CUEDC1: variants seen among roughly 807,000 people sequenced by gnomAD.
The protein encoded by CUEDC1 is CUE domain-containing protein 1.
Under a neutral mutation model 43.7 loss-of-function variants are expected in CUEDC1, and 30 were observed. The observed-to-expected ratio is 0.69, with a 90% CI of 0.51 to 0.93. The LOEUF is 0.93. Ranked by LOEUF, CUEDC1 falls within the 40% of genes least tolerant of loss-of-function variation. CUEDC1 has a pLI of 0.00. For synonymous variants in CUEDC1, 223 were observed against 223.6 expected (o/e 1.00, Z 0.02); for missense variants, 486 against 549.0 (o/e 0.89, Z 1.15).
intron 5 of CUEDC1, 124 bp downstream of exon 5, chr17:57,872,539 T>C: frequency 1.8e-6 from 2 of 1,086,384 alleles, no homozygotes; most frequent in African/African-American, 1.6e-5. Flanking sequence ...GAGTCATGCC[T>C]CAATAGGACA....
intron 1 of CUEDC1, among the ~76,000 whole-genome samples, chr17:57,931,839 C>T (rs1263272339): frequency 1.3e-5 from 2 of 152,156 alleles, no homozygotes; most frequent in Admixed American, 6.5e-5. Context: ...CGTGAAACCA[C>T]GAGCCTCTTT....
rs111403579 is a variant in CUEDC1, at chr17:57,914,597, G to A, written c.-315-28718C>T. On this transcript the variant is annotated intron_variant, in intron 1 of 10. Transcript: ENST00000577830. ...TCCCAACTGGGAGCTCCTGGAGCTCGATTTAGAAAAGGGACAGGGATAATG... is the reference window on the plus strand; with the variant it reads ...TCCCAACTGGGAGCTCCTGGAGCTCAATTTAGAAAAGGGACAGGGATAATG... 2.3e-3 allele frequency among the ~76,000 whole-genome samples: 344 copies of A among 152,296 alleles called. 1 individual carries two copies. Among genetic ancestry groups the A allele is most frequent in the African/African-American group, 7.6e-3 (317 of 41,564 alleles).
intron 1 of CUEDC1, among the ~76,000 whole-genome samples, chr17:57,939,327 C>T (rs1258229005): frequency 6.6e-6 from 1 of 151,862 alleles, no homozygotes; most frequent in Non-Finnish European, 1.5e-5. Flanking sequence ...TGCAGTGGAA[C>T]AATCCCGGCT....
At chr17:57,885,161 C>T (rs999010737) in intron 2 of CUEDC1, 68 bp downstream of exon 2, 3 of 1,484,674 alleles carry the variant, frequency 2.0e-6, no homozygotes, top group Admixed American at 2.4e-5. Flanking sequence ...TTACCCGGGC[C>T]GTGCCCCTAC....
At position 57,937,371 on chromosome 17, in the gene CUEDC1, G is replaced by A. The variant is rs537316012; in HGVS notation, c.-316+17854C>T. On this transcript the variant is annotated intron_variant, in intron 1 of 10. Coordinates refer to ENST00000577830, the MANE Select transcript of CUEDC1 (RefSeq NM_001271875.2). ...CACACCTGTCATCCCAACACTTTGG[G>A]AAGCCGAGTTGGGAGGATCACTTGA... 6.5e-4 allele frequency among the ~76,000 whole-genome samples: 99 copies of A among 152,156 alleles called. 1 individual carries two copies. The highest frequency in any genetic ancestry group is 2.3e-3 in the African/African-American group (94 of 41,524).
intron 1 of CUEDC1, among the ~76,000 whole-genome samples, chr17:57,931,506 G>T (rs1246223049): frequency 1.3e-5 from 2 of 152,102 alleles, no homozygotes; most frequent in Non-Finnish European, 2.9e-5. Flanking sequence ...GCAAAAAAGG[G>T]GTCATGAGGG....
chr17:57,900,210 C>T (rs569110174), intron 1 of CUEDC1, among the ~76,000 whole-genome samples: 13 of 152,250 alleles, frequency 8.5e-5, no homozygotes, highest in Admixed American at 2.0e-4. Context: ...TTTCGCCTCC[C>T]GAGGGCCTCA....
chr17:57,884,300 C>T (rs1172914090), intron 2 of CUEDC1, among the ~76,000 whole-genome samples: 24 of 146,314 alleles, frequency 1.6e-4, no homozygotes, highest in African/African-American at 5.3e-4. Context: ...CGGGTTCAGG[C>T]GATTCTCCTG....
In CUEDC1 at chr17:57,885,855, G is replaced by A; in HGVS notation, c.-291C>T. The stretch of plus-strand genomic sequence containing the variant: ...TCATCCACACCCCCGGTGCATCCTG[G>A]CACCGGTTTCACGGATGGTCCCACC... On this transcript the variant is annotated 5_prime_UTR_variant, in exon 2 of 11. Transcript: ENST00000577830. 1 of 302,400 alleles carries A rather than the reference G, an allele frequency of 3.3e-6. No individual in the cohort carries two copies. The allele number at this position is 302,400 out of a possible 1,614,324, so 18.7% of individuals were successfully genotyped here. A position where few individuals can be genotyped will look rare whatever the true frequency, so the allele number is the denominator to read the frequency against.
chr17:57,867,370 C>G lies in CUEDC1; in HGVS notation c.1080G>C (p.Glu360Asp), dbSNP rs781023324. The change falls in exon 9 of 11, where the codon GAG (glutamate) becomes GAC (aspartate). Residue 360 changes from glutamate (E) to aspartate (D), a missense_variant. By Grantham distance (45) the Glu-to-Asp change is conservative. Coordinates refer to ENST00000577830, the MANE Select transcript of CUEDC1 (RefSeq NM_001271875.2). ...ASTANLLDDVEGHACDEDFRG... is the reference protein window; with the variant it reads ...ASTANLLDDVDGHACDEDFRG... ...CTCCAGCCTCACCACACGCGTGGCC[C>G]TCCACATCATCCAGGAGGTTGGCTG... The G allele has an allele frequency of 3.9e-6, 6 of 1,552,186 alleles. No homozygotes were observed. In the South Asian group the frequency reaches 5.9e-5, roughly 15 times the overall value.
chr17:57,865,823 C>CTTTTT (rs35170290), intron 10 of CUEDC1, among the ~76,000 whole-genome samples: 2 of 134,716 alleles, frequency 1.5e-5, no homozygotes, highest in Admixed American at 7.6e-5. Flanking sequence ...TTTTCTTTTT[C>CTTTTT]TTTTTTTTTT....
intron 1 of CUEDC1, among the ~76,000 whole-genome samples, chr17:57,895,979 G>A (rs138821194): frequency 6.6e-6 from 1 of 152,334 alleles, no homozygotes; most frequent in Non-Finnish European, 1.5e-5. Context: ...GGTCTGGACA[G>A]CAGCAGGAGA....
At chr17:57,939,070 C>T (rs939518709) in intron 1 of CUEDC1, among the ~76,000 whole-genome samples, 2 of 143,364 alleles carry the variant, frequency 1.4e-5, no homozygotes, top group Non-Finnish European at 3.0e-5. Context: ...TGGGTTCAAG[C>T]GATTCTCCTG....
chr17:57,902,558 A>T (rs114766343), intron 1 of CUEDC1, among the ~76,000 whole-genome samples: 25 of 152,358 alleles, frequency 1.6e-4, no homozygotes, highest in African/African-American at 6.0e-4. Flanking sequence ...CAGGAAAGGC[A>T]AGGATGAAAA....
At chr17:57,912,842 T>C (rs1252793721) in intron 1 of CUEDC1, among the ~76,000 whole-genome samples, 2 of 152,194 alleles carry the variant, frequency 1.3e-5, no homozygotes, top group East Asian at 3.9e-4. Flanking sequence ...GCCTTTTTCT[T>C]TCTTTCTTTT....
At chr17:57,919,597 C>T (rs896606356) in intron 1 of CUEDC1, among the ~76,000 whole-genome samples, 1 of 152,154 alleles carries the variant, frequency 6.6e-6, no homozygotes, top group Non-Finnish European at 1.5e-5. Flanking sequence ...AAGGCTTAAG[C>T]TCCCACACCG....
chr17:57,922,380 C>G (rs9904850), intron 1 of CUEDC1: 20 of 152,108 alleles, frequency 1.3e-4, no homozygotes, highest in Admixed American at 3.9e-4. Context: ...TGACCTCCCC[C>G]CTCTGTTCAT....
At chr17:57,890,776 C>T (rs893771068) in intron 1 of CUEDC1, among the ~76,000 whole-genome samples, 16 of 152,230 alleles carry the variant, frequency 1.1e-4, no homozygotes, top group African/African-American at 3.4e-4. Context: ...CCAAGGTCAT[C>T]CCAGCCAGCC....
chr17:57,879,780 C>T, intron 2 of CUEDC1, 42 bp from the exon 3 acceptor site: 1 of 1,570,448 alleles, frequency 6.4e-7, no homozygotes, highest in African/African-American at 1.4e-5. Flanking sequence ...AATCATCCCT[C>T]CTTGAATTTA....
Sources: gnomAD v4.1 joint callset for allele counts (sites outside exome capture counted in the v4.1 genomes callset) on GRCh38, gnomAD v4.1.1 for gene constraint, MANE v1.5 for transcripts, NCBI Gene and HGNC (gene_info 2026-07-23, HGNC 2026-07-21) for gene names.